The following PPP1R13L variants were observed in gnomAD, a reference collection of about 807,000 sequenced individuals.
PPP1R13L encodes protein phosphatase 1 regulatory subunit 13 like, also known as relA-associated inhibitor.
PPP1R13L carries 50 observed loss-of-function variants against 80.9 expected under a neutral mutation model. The ratio of observed to expected loss-of-function variants is 0.62; its 90% CI spans 0.49 to 0.78. The LOEUF (loss-of-function observed/expected upper bound fraction) is 0.78, where lower values mean the gene tolerates loss of function less well. Among genes scored for constraint, PPP1R13L ranks in the 30% least tolerant of loss-of-function variants. The pLI, the probability that PPP1R13L is intolerant of heterozygous loss-of-function variation, is 0.00. For synonymous variants in PPP1R13L, 602 were observed against 534.3 expected, an observed-to-expected ratio of 1.13 and a Z score of -1.75; for missense variants, 1,200 against 1,205.9, an observed-to-expected ratio of 1.00 and a Z score of 0.07.
chr19:45,402,404 C>G (rs1207106605), intron 1 of PPP1R13L, among the ~76,000 whole-genome samples: 2 of 152,258 alleles, frequency 1.3e-5, no homozygotes, highest in East Asian at 3.8e-4. Context: ...CCAAGATTCT[C>G]AGATTCCATA....
chr19:45,391,903 G>A lies in PPP1R13L; in HGVS notation c.1792C>T (p.Pro598Ser). Reference protein sequence around the residue: ...IPPPAPSQSSPPEQPQSMEMR... With the variant: ...IPPPAPSQSSSPEQPQSMEMR... ...ACCATGCTCTGCGGCTGCTCTGGTGGGCTGCTCTGGGACGGGGCCGGGGGT... is the reference window on the plus strand; with the variant it reads ...ACCATGCTCTGCGGCTGCTCTGGTGAGCTGCTCTGGGACGGGGCCGGGGGT... Residue 598 changes from proline (P) to serine (S), a missense_variant, in exon 8 of 13, where the codon CCA (proline) becomes TCA (serine). Transcript: ENST00000360957. The A allele has an allele frequency of 3.4e-6, 5 of 1,490,052 alleles. No individual in the cohort carries two copies. The highest frequency in any genetic ancestry group is 1.4e-5 in the South Asian group (1 of 70,890). 92.3% of individuals were successfully genotyped at this position (1,490,052 alleles called of 1,614,324 possible).
chr19:45,394,506 C>T (rs1973040863), intron 7 of PPP1R13L: 1 of 152,018 alleles, frequency 6.6e-6, no homozygotes, highest in African/African-American at 2.4e-5. Context: ...ATTTTTGAGA[C>T]AGAGTCTCAC....
At chr19:45,388,637 T>C (rs1972912489) in intron 8 of PPP1R13L, among the ~76,000 whole-genome samples, 1 of 152,178 alleles carries the variant, frequency 6.6e-6, no homozygotes, top group Non-Finnish European at 1.5e-5. Flanking sequence ...TAATTCAAAA[T>C]ATGAGCATCT....
intron 8 of PPP1R13L, among the ~76,000 whole-genome samples, chr19:45,388,984 C>T (rs911739428): frequency 4.6e-5 from 7 of 152,130 alleles, no homozygotes; most frequent in East Asian, 1.9e-4. Flanking sequence ...GTGATCCACC[C>T]GCCTCGGCCT....
At chr19:45,383,012 T>TTTTTTGA (rs1972796112) in intron 11 of PPP1R13L, among the ~76,000 whole-genome samples, 1 of 148,844 alleles carries the variant, frequency 6.7e-6, no homozygotes, top group Non-Finnish European at 1.5e-5. Flanking sequence ...TTTTTTTTTT[T>TTTTTTGA]GAGACAGAGT....
intron 7 of PPP1R13L, among the ~76,000 whole-genome samples, chr19:45,393,670 C>A (rs551171605): frequency 6.6e-6 from 1 of 151,952 alleles, no homozygotes; most frequent in Non-Finnish European, 1.5e-5. Context: ...GTCAGGAGAT[C>A]GAGACCATCC....
At chr19:45,405,725 T>A (rs1973331351), upstream of PPP1R13L, among the ~76,000 whole-genome samples, 1 of 152,120 alleles carries the variant, frequency 6.6e-6, no homozygotes, top group Non-Finnish European at 1.5e-5. Context: ...TGGAGTAGGA[T>A]CCTAAATCTT....
At chr19:45,389,030 G>A (rs569961846) in intron 8 of PPP1R13L, among the ~76,000 whole-genome samples, 3 of 152,102 alleles carry the variant, frequency 2.0e-5, no homozygotes, top group Non-Finnish European at 4.4e-5. Flanking sequence ...GAGCCACCGT[G>A]CCCAGCCTAA....
At chr19:45,385,465 C>A in intron 11 of PPP1R13L, 97 bp downstream of exon 11, 1 of 1,346,838 alleles carries the variant, frequency 7.4e-7, no homozygotes, top group Non-Finnish European at 1.0e-6. Context: ...GTTGGTACAG[C>A]CCCCATACCC....
In PPP1R13L at chr19:45,396,837, C is replaced by T. The variant is rs765731696; in HGVS notation, c.420G>A (p.Ser140=). 66 of 1,500,852 alleles carry T rather than the reference C, an allele frequency of 4.4e-5. No individual in the cohort carries two copies. The South Asian group carries it at 8.2e-4, about 19-fold the overall frequency. 93.0% of individuals were successfully genotyped at this position (1,500,852 alleles called of 1,614,324 possible). ...CGCCATCGAAGGCGCGGGGCCGGGGCGAGGTCGCGCGGTCCAGGCTGCCGT... is the reference window on the plus strand; with the variant it reads ...CGCCATCGAAGGCGCGGGGCCGGGGTGAGGTCGCGCGGTCCAGGCTGCCGT... The part of the protein sequence containing the change: ...DAYGSLDRAT[S]PRPRAFDGAG... The change falls in exon 4 of 13, where the codon TCG becomes TCA. Residue 140 remains serine (S), a synonymous_variant. Coordinates refer to ENST00000360957, the MANE Select transcript of PPP1R13L (RefSeq NM_006663.4). This position sits in a 1 kb window ranked among gnomAD's most constrained non-coding sequence, Gnocchi z 5.3.
chr19:45,395,511 G>C lies in PPP1R13L; in HGVS notation c.1279C>G (p.Gln427Glu). Reference protein sequence around the residue: ...QSQPQPQLPPQPQTQPQTPTP... With the variant: ...QSQPQPQLPPEPQTQPQTPTP... ...GGGGTTTGGGGTTGGGTCTGGGGCTGTGGGGGCAGCTGGGGCTGTGGTTGT... is the reference window on the plus strand; with the variant it reads ...GGGGTTTGGGGTTGGGTCTGGGGCTCTGGGGGCAGCTGGGGCTGTGGTTGT... The change falls in exon 7 of 13, where the codon CAG becomes GAG. Residue 427 changes from glutamine to glutamate, a missense_variant. Coordinates refer to ENST00000360957, the MANE Select transcript of PPP1R13L (RefSeq NM_006663.4). 1 of 1,492,706 alleles carries C rather than the reference G, an allele frequency of 6.7e-7. No individual in the cohort carries two copies. Among genetic ancestry groups the C allele is most frequent in the East Asian group, 2.5e-5 (1 of 40,358 alleles). 92.5% of individuals were successfully genotyped at this position (1,492,706 alleles called of 1,614,324 possible).
At chr19:45,397,791 T>C (rs576832020) in intron 3 of PPP1R13L, among the ~76,000 whole-genome samples, 204 of 152,104 alleles carry the variant, frequency 1.3e-3, no homozygotes, top group Middle Eastern at 3.4e-3. Flanking sequence ...GGTCTCAAAC[T>C]CTTAGTCTCA....
chr19:45,398,690 GGGT>G (rs1973167933), intron 1 of PPP1R13L, among the ~76,000 whole-genome samples: 1 of 148,506 alleles, frequency 6.7e-6, no homozygotes, highest in Non-Finnish European at 1.5e-5. Context: ...TCCGCCTCCC[GGGT>G]TCAAGCAAAT....
chr19:45,396,573 G>A lies in PPP1R13L; in HGVS notation c.684C>T (p.Ser228=), dbSNP rs1357721032. 3.3e-6 allele frequency: 5 copies of A among 1,508,674 alleles called. No homozygotes were observed. The African/African-American group carries it at 4.2e-5, about 13-fold the overall frequency. 93.5% of individuals were successfully genotyped at this position (1,508,674 alleles called of 1,614,324 possible). Residue 228 remains serine (S), a synonymous_variant, in exon 4 of 13, where the codon AGC becomes AGT. Coordinates refer to ENST00000360957, the MANE Select transcript of PPP1R13L (RefSeq NM_006663.4). The surrounding 1 kb of genome is among the most constrained non-coding windows in gnomAD (Gnocchi z 5.3). ...GCGCGCGCAGAGGCGGGGCGAATGCGCTGCCGCCGGAGCCTAGCAGGGAGC... is the reference window on the plus strand; with the variant it reads ...GCGCGCGCAGAGGCGGGGCGAATGCACTGCCGCCGGAGCCTAGCAGGGAGC... The part of the protein sequence containing the change: ...FGSSLLGSGG[S]AFAPPLRAQD...
chr19:45,397,603 A>G (rs1245507458), intron 3 of PPP1R13L, among the ~76,000 whole-genome samples: 13 of 151,018 alleles, frequency 8.6e-5, no homozygotes. Flanking sequence ...GATTACAGGT[A>G]TGCACCACCA....
Position 45,382,557 on chromosome 19 carries a change from C to T in PPP1R13L, c.2418G>A (p.Gln806=). 6.2e-7 allele frequency: 1 copy of T among 1,613,284 alleles called. No individual in the cohort carries two copies. Among genetic ancestry groups the T allele is most frequent in the Non-Finnish European group, 8.5e-7 (1 of 1,179,776 alleles). Reference sequence around the variant, plus strand: ...AGTAGTTCCGCGGCACGTAGCCCTCCTGGCCGTGCAGCGCGGCCCACCACC... The same window carrying T: ...AGTAGTTCCGCGGCACGTAGCCCTCTTGGCCGTGCAGCGCGGCCCACCACC... The part of the protein sequence containing the change: ...TDWWWAALHG[Q]EGYVPRNYFG... Residue 806 remains glutamine (Q), a synonymous_variant, in exon 12 of 13, where the codon CAG becomes CAA. Transcript: ENST00000360957.
chr19:45,390,225 G>C (rs1972944592), intron 8 of PPP1R13L, among the ~76,000 whole-genome samples: 1 of 152,024 alleles, frequency 6.6e-6, no homozygotes, highest in African/African-American at 2.4e-5. Flanking sequence ...TGAGTAGCTG[G>C]GATTGGAATG....
chr19:45,388,535 A>G (rs1415358968), intron 8 of PPP1R13L, among the ~76,000 whole-genome samples: 4 of 151,838 alleles, frequency 2.6e-5, no homozygotes, highest in African/African-American at 9.7e-5. Context: ...TGATCTTGCC[A>G]CTGCACTCCA....
In PPP1R13L at chr19:45,398,703, T is replaced by A. The variant is rs200824012; in HGVS notation, c.-21-364A>T. 2.6e-4 allele frequency among the ~76,000 whole-genome samples: 38 copies of A among 146,488 alleles called. 1 individual carries two copies. In the East Asian group the frequency reaches 7.9e-3, roughly 31 times the overall value. The stretch of plus-strand genomic sequence containing the variant: ...CCTCCGCCTCCCGGGTTCAAGCAAA[T>A]CTTCTGCCTAGCTGGGACTACAAGC... On this transcript the variant is annotated intron_variant, in intron 1 of 12. Coordinates refer to ENST00000360957, the MANE Select transcript of PPP1R13L (RefSeq NM_006663.4).
Sources: gnomAD v4.1 joint callset for allele counts (sites outside exome capture counted in the v4.1 genomes callset) on GRCh38, gnomAD v4.1.1 for gene constraint, Gnocchi (gnomAD v3.1) non-coding constraint, MANE v1.5 for transcripts, NCBI Gene and HGNC (gene_info 2026-07-23, HGNC 2026-07-21) for gene names.